TUBGCP3: variants seen among roughly 807,000 people sequenced by gnomAD.
The protein encoded by TUBGCP3 is gamma-tubulin complex component 3.
A neutral mutation model predicts 123.1 loss-of-function variants in TUBGCP3; 50 were observed. The observed-to-expected ratio is 0.41, with a 90% CI of 0.32 to 0.51. The LOEUF (loss-of-function observed/expected upper bound fraction) is 0.51. TUBGCP3 is among the 20% of genes least tolerant of loss of function. The pLI is 0.36. For synonymous variants in TUBGCP3, 405 were observed against 413.9 expected (o/e 0.98, Z 0.26); for missense variants, 882 against 1,127.0 (o/e 0.78, Z 3.11).
chr13:112,486,428 T>C (rs185123450), intron 21 of TUBGCP3, among the ~76,000 whole-genome samples: 18 of 152,344 alleles, frequency 1.2e-4, no homozygotes, highest in East Asian at 9.6e-4. Flanking sequence ...CAACAGGTTT[T>C]TTCACTTTGT....
intron 21 of TUBGCP3, among the ~76,000 whole-genome samples, chr13:112,486,682 AG>A (rs1879693935): frequency 6.6e-6 from 1 of 152,204 alleles, no homozygotes; most frequent in Non-Finnish European, 1.5e-5. Flanking sequence ...CCTGTTACTG[AG>A]GGCGTTTTTA....
intron 1 of TUBGCP3, among the ~76,000 whole-genome samples, chr13:112,578,809 T>C (rs953266990): frequency 1.3e-5 from 2 of 152,064 alleles, no homozygotes; most frequent in African/African-American, 2.4e-5. Context: ...AACTGTCTTT[T>C]CTCATTCCTT....
At chr13:112,600,245 C>G in the TUBGCP3 span, among the ~76,000 whole-genome samples, 2 of 152,160 alleles carry the variant, frequency 1.3e-5, no homozygotes, top group Non-Finnish European at 1.5e-5. Context: ...TATTCTATCT[C>G]TCATGTCACA....
chr13:112,547,698 G>A lies in TUBGCP3; in HGVS notation c.1090C>T (p.Leu364Phe), dbSNP rs1375449807. Residue 364 changes from leucine (L) to phenylalanine (F), a missense_variant, in exon 10 of 22, where the codon CTT becomes TTT. Leu to Phe is a conservative substitution (Grantham distance 22). Around this residue, in one of 3 missense-constraint regions of TUBGCP3, gnomAD observed 713 missense variants for 874.0 expected, o/e 0.82. Coordinates refer to ENST00000261965, the MANE Select transcript of TUBGCP3 (RefSeq NM_006322.6). Reference protein sequence around the residue: ...VNLGLESSLTLRRLLVWTYDP... With the variant: ...VNLGLESSLTFRRLLVWTYDP... Reference sequence around the variant, plus strand: ...TAGGTCCAAACCAGGAGGCGCCGAAGTGTTAAACTACTCTCAAGTCCCAAA... The same window carrying A: ...TAGGTCCAAACCAGGAGGCGCCGAAATGTTAAACTACTCTCAAGTCCCAAA... 3.8e-6 allele frequency: 6 copies of A among 1,571,448 alleles called. No individual in the cohort carries two copies. Among genetic ancestry groups the A allele is most frequent in the Non-Finnish European group, 5.2e-6 (6 of 1,157,146 alleles).
At chr13:112,555,743 G>A (rs940687567) in intron 6 of TUBGCP3, among the ~76,000 whole-genome samples, 2 of 152,140 alleles carry the variant, frequency 1.3e-5, no homozygotes, top group African/African-American at 4.8e-5. Flanking sequence ...CAGGGAAACG[G>A]CAGGATGAAA....
At chr13:112,523,736 G>C (rs1296480460) in intron 13 of TUBGCP3, among the ~76,000 whole-genome samples, 1 of 152,172 alleles carries the variant, frequency 6.6e-6, no homozygotes, top group African/African-American at 2.4e-5. Flanking sequence ...ACAGAACCCA[G>C]AGCCTCCTCG....
chr13:112,600,444 G>T, the TUBGCP3 span, among the ~76,000 whole-genome samples: 1 of 152,086 alleles, frequency 6.6e-6, no homozygotes, highest in Non-Finnish European at 1.5e-5. Context: ...AGATCAGAAT[G>T]ATTTGTTGTT....
the TUBGCP3 span, among the ~76,000 whole-genome samples, chr13:112,594,374 A>G: frequency 6.6e-6 from 1 of 152,240 alleles, no homozygotes; most frequent in South Asian, 2.1e-4. Flanking sequence ...GAAAAAATCC[A>G]TATGACCTTC....
In TUBGCP3 at chr13:112,526,959, G is replaced by A; in HGVS notation, c.1538C>T (p.Ala513Val). Residue 513 changes from alanine (A) to valine (V), a missense_variant, in exon 13 of 22, where the codon GCA becomes GTA. Physicochemically the swap from Ala to Val is moderately conservative, Grantham distance 64 (BLOSUM62 0). Coordinates refer to ENST00000261965, the MANE Select transcript of TUBGCP3 (RefSeq NM_006322.6). ...TTKMIAVTKS[A>V]ESPQDAADLF... ...CATCATACCGTCCTGGGGTGACTCT[G>A]CAGACTTGGTCACAGCTATCATCTT... is the stretch of plus-strand genomic sequence containing the variant. The A allele has an allele frequency of 2.5e-6, 4 of 1,613,722 alleles. No homozygotes were observed. Among genetic ancestry groups the A allele is most frequent in the Non-Finnish European group, 3.4e-6 (4 of 1,179,640 alleles).
chr13:112,498,871 C>G lies in TUBGCP3; in HGVS notation c.2448+174G>C, dbSNP rs777593929. ...AGGATGATGATGCCAGTGAGGGTGG[C>G]CCCTCCCTCTTTACAACTGTCAGTG... On this transcript the variant is annotated intron_variant, in intron 20 of 21. Transcript: ENST00000261965. 1.9e-6 allele frequency: 3 copies of G among 1,610,478 alleles called. No individual in the cohort carries two copies. In the African/African-American group the frequency reaches 4.0e-5, roughly 22 times the overall value.
chr13:112,520,064 T>A (rs371420285), intron 14 of TUBGCP3, 43 bp from the exon 15 acceptor site: 1 of 1,573,174 alleles, frequency 6.4e-7, no homozygotes, highest in African/African-American at 1.4e-5. Flanking sequence ...TTACTTCAAT[T>A]CTTAATGAAC....
Position 112,489,649 on chromosome 13 carries a change from T to C in TUBGCP3, c.2497A>G (p.Ile833Val). ...AAEEEEENKR[I>V]GEFKESIPKM... is the part of the protein sequence containing the mutation. ...GGTATAGATTCTTTAAATTCTCCAA[T>C]CCTCTTATTTTCCTCCTCTTCCTCT... is the stretch of plus-strand genomic sequence containing the variant. The change falls in exon 21 of 22, where the codon ATT (isoleucine) becomes GTT (valine). Residue 833 changes from isoleucine (I) to valine (V), a missense_variant. By Grantham distance (29) the Ile-to-Val change is conservative. Transcript: ENST00000261965. 1 of 1,614,174 alleles carries C rather than the reference T, an allele frequency of 6.2e-7. No individual in the cohort carries two copies. Among genetic ancestry groups the C allele is most frequent in the Non-Finnish European group, 8.5e-7 (1 of 1,180,028 alleles).
At chr13:112,598,258 G>A in the TUBGCP3 span, among the ~76,000 whole-genome samples, 1 of 151,626 alleles carries the variant, frequency 6.6e-6, no homozygotes, top group Admixed American at 6.6e-5. Flanking sequence ...GAACGGAAAT[G>A]AAAAAGATTT....
chr13:112,558,583 C>G (rs1258371022), intron 4 of TUBGCP3, among the ~76,000 whole-genome samples, 170 bp from the exon 5 acceptor site: 3 of 152,118 alleles, frequency 2.0e-5, no homozygotes, highest in African/African-American at 7.2e-5. Context: ...TATGCCTAAA[C>G]TGATAAAGTT....
At chr13:112,487,073 G>GTGTGTT (rs917618071) in intron 21 of TUBGCP3, among the ~76,000 whole-genome samples, 1 of 147,908 alleles carries the variant, frequency 6.8e-6, no homozygotes, top group East Asian at 2.0e-4. Context: ...GTGTGTGTGT[G>GTGTGTT]TGTGTGTGTC....
chr13:112,576,624 TATTTTG>T (rs1881834029), intron 1 of TUBGCP3, among the ~76,000 whole-genome samples: 1 of 152,100 alleles, frequency 6.6e-6, no homozygotes, highest in African/African-American at 2.4e-5. Context: ...CTTAAATATA[TATTTTG>T]GATTTATCAA....
chr13:112,568,538 T>TTAC (rs1881154080), intron 2 of TUBGCP3, among the ~76,000 whole-genome samples: 1 of 152,136 alleles, frequency 6.6e-6, no homozygotes, highest in Admixed American at 6.6e-5. Flanking sequence ...CTAGAAGGTG[T>TTAC]TACTACTGAG....
chr13:112,486,038 G>C lies in TUBGCP3; in HGVS notation c.2679C>G (p.Leu893=). The C allele has an allele frequency of 6.2e-7, 1 of 1,608,994 alleles. No individual in the cohort carries two copies. Among genetic ancestry groups the C allele is most frequent in the Non-Finnish European group, 8.5e-7 (1 of 1,175,540 alleles). The change falls in exon 22 of 22, where the codon CTC becomes CTG. Residue 893 remains leucine, a synonymous_variant. Coordinates refer to ENST00000261965, the MANE Select transcript of TUBGCP3 (RefSeq NM_006322.6). ...GCCCCCTGGTACCCAGAGACACACG[G>C]AGCCTGGGCTCCCTGGCTTTGTAAT... The part of the protein sequence containing the change: ...NEHYKAREPR[L]RVSLGTRGRR...
intron 17 of TUBGCP3, among the ~76,000 whole-genome samples, chr13:112,509,591 T>C (rs1881532858): frequency 6.6e-6 from 1 of 152,214 alleles, no homozygotes; most frequent in South Asian, 2.1e-4. Flanking sequence ...AGAAAAATCA[T>C]CTTTTATTGT....
Sources: gnomAD v4.1 joint callset for allele counts (sites outside exome capture counted in the v4.1 genomes callset) on GRCh38, gnomAD v4.1.1 for gene constraint, gnomAD v4.1.1 regional missense constraint, MANE v1.5 for transcripts, NCBI Gene and HGNC (gene_info 2026-07-23, HGNC 2026-07-21) for gene names.